The following GALNTL6 variants were observed in gnomAD, a reference collection of about 807,000 sequenced individuals.
The protein encoded by GALNTL6 is polypeptide N-acetylgalactosaminyltransferase-like 6.
GALNTL6 carries 46 observed loss-of-function variants against 73.7 expected under a neutral mutation model. That is an observed-to-expected ratio of 0.62 (90% CI 0.49 to 0.80). The LOEUF (loss-of-function observed/expected upper bound fraction) is 0.80. Among genes scored for constraint, GALNTL6 ranks in the 30% least tolerant of loss-of-function variants. The probability of loss-of-function intolerance (pLI) is 0.00; values close to 1 mark genes in which losing one functional copy is unlikely to be tolerated. For missense variants in GALNTL6, 604 were observed against 755.0 expected (o/e 0.80, Z 2.34); for synonymous variants, 259 against 263.7 (o/e 0.98, Z 0.17).
At chr4:172,983,209 G>A (rs1012028645) in intron 10 of GALNTL6, among the ~76,000 whole-genome samples, 7 of 152,148 alleles carry the variant, frequency 4.6e-5, no homozygotes, top group African/African-American at 1.4e-4. Flanking sequence ...ACAAGCCAAG[G>A]AATGCTGGCA....
chr4:171,831,341 T>G (rs78848612), intron 2 of GALNTL6, among the ~76,000 whole-genome samples: 1 of 152,104 alleles, frequency 6.6e-6, no homozygotes, highest in East Asian at 1.9e-4. Flanking sequence ...GGTAGAGGCA[T>G]ATTAAATGCA....
At chr4:172,662,705 C>T (rs1181970904) in intron 5 of GALNTL6, among the ~76,000 whole-genome samples, 1 of 152,174 alleles carries the variant, frequency 6.6e-6, no homozygotes, top group Non-Finnish European at 1.5e-5. Flanking sequence ...CTAATCCAGG[C>T]TCTGGGGATT....
intron 8 of GALNTL6, among the ~76,000 whole-genome samples, chr4:172,924,729 C>T (rs1561036754): frequency 6.6e-6 from 1 of 152,064 alleles, no homozygotes; most frequent in Non-Finnish European, 1.5e-5. Context: ...AAGGTAGTGA[C>T]TGAGAGACAA....
chr4:172,275,180 G>C lies in GALNTL6; in HGVS notation c.248-36434G>C, dbSNP rs190752794. The stretch of plus-strand genomic sequence containing the variant: ...ATAAGTGCTGACCTATAAACCTAAG[G>C]ACAAAAGAAATGTTGATGTTTTGAC... On this transcript the variant is annotated intron_variant, in intron 3 of 12. Coordinates refer to ENST00000506823, the MANE Select transcript of GALNTL6 (RefSeq NM_001034845.3). Among the ~76,000 whole-genome samples the C allele has an allele frequency of 1.1e-4, 17 of 152,150 alleles. No individual in the cohort carries two copies. In the East Asian group the frequency reaches 2.7e-3, roughly 24 times the overall value.
chr4:172,814,451 A>C (rs6820453), intron 7 of GALNTL6, among the ~76,000 whole-genome samples: 2,668 of 152,308 alleles, frequency 0.018, 69 homozygotes, highest in African/African-American at 0.058. Flanking sequence ...GTGAATGGTA[A>C]ACTTTTTCCA....
chr4:172,976,425 T>C (rs1750813824), intron 10 of GALNTL6, among the ~76,000 whole-genome samples: 1 of 152,212 alleles, frequency 6.6e-6, no homozygotes, highest in South Asian at 2.1e-4. Context: ...AGGCAGGGCT[T>C]CTGAAATTCA....
At chr4:171,992,342 T>G (rs1579041090) in intron 2 of GALNTL6, among the ~76,000 whole-genome samples, 1 of 152,138 alleles carries the variant, frequency 6.6e-6, no homozygotes, top group Non-Finnish European at 1.5e-5. Flanking sequence ...CAGTCCCAAT[T>G]ACAGAGGCCA....
chr4:172,363,697 A>G (rs925849823), intron 5 of GALNTL6, among the ~76,000 whole-genome samples: 3 of 152,192 alleles, frequency 2.0e-5, no homozygotes, highest in Non-Finnish European at 2.9e-5. Flanking sequence ...TAGTCAGAAA[A>G]TTATTATAGG....
At position 172,122,140 on chromosome 4, in the gene GALNTL6, C is replaced by T. The variant is rs141141047; in HGVS notation, c.139-107516C>T. ...TAGTATCCCATGACTAGGCTGAATT[C>T]GAGCAGAGCGTGAGCAATGGCTGTA... On this transcript the variant is annotated intron_variant, in intron 2 of 12. Transcript: ENST00000506823. Among the ~76,000 whole-genome samples the T allele has an allele frequency of 5.1e-3, 777 of 151,062 alleles. 8 individuals are homozygous for T. Among genetic ancestry groups the T allele is most frequent in the African/African-American group, 0.017 (709 of 41,068 alleles).
At chr4:172,608,572 T>C (rs1738398030) in intron 5 of GALNTL6, among the ~76,000 whole-genome samples, 1 of 152,112 alleles carries the variant, frequency 6.6e-6, no homozygotes, top group East Asian at 1.9e-4. Flanking sequence ...GTGATGCCTC[T>C]AGTTTATTTC....
Position 172,798,695 on chromosome 4 carries a change from G to A in GALNTL6, c.554-10666G>A, listed in dbSNP as rs952876020. On this transcript the variant is annotated intron_variant, in intron 5 of 12. Coordinates refer to ENST00000506823, the MANE Select transcript of GALNTL6 (RefSeq NM_001034845.3). ...ACTTATCCAAGCTATGAATGTGCAC[G>A]TACATGTAAAAATAACCAGCGGTTA... is the stretch of plus-strand genomic sequence containing the variant. 3.9e-5 allele frequency among the ~76,000 whole-genome samples: 6 copies of A among 152,120 alleles called. No homozygotes were observed. The East Asian group carries it at 7.7e-4, about 20-fold the overall frequency.
intron 3 of GALNTL6, among the ~76,000 whole-genome samples, chr4:172,271,773 T>C (rs1034972152): frequency 4.6e-5 from 7 of 152,000 alleles, no homozygotes; most frequent in African/African-American, 1.7e-4. Flanking sequence ...CATACACACA[T>C]ACAGAGATAA....
At chr4:172,457,366 TA>T (rs1274820012) in intron 5 of GALNTL6, among the ~76,000 whole-genome samples, 1 of 152,128 alleles carries the variant, frequency 6.6e-6, no homozygotes, top group Non-Finnish European at 1.5e-5. Context: ...ATAACAATAT[TA>T]ACCTTAAATA....
chr4:172,807,750 A>T lies in GALNTL6; in HGVS notation c.554-1611A>T, dbSNP rs370211381. ...CATATCCTTGTTACTTACATGAAGA[A>T]CAAAATAGAGGGGAACATATTTTGA... On this transcript the variant is annotated intron_variant, in intron 5 of 12. Coordinates refer to ENST00000506823, the MANE Select transcript of GALNTL6 (RefSeq NM_001034845.3). 6.6e-5 allele frequency among the ~76,000 whole-genome samples: 10 copies of T among 152,340 alleles called. No homozygotes were observed. The East Asian group carries it at 1.5e-3, about 24-fold the overall frequency.
chr4:172,959,183 G>A (rs2126371049), intron 10 of GALNTL6, among the ~76,000 whole-genome samples: 1 of 152,236 alleles, frequency 6.6e-6, no homozygotes, highest in South Asian at 2.1e-4. Flanking sequence ...CGGTCACTGA[G>A]GAGGGAGTAG....
chr4:172,644,704 C>T (rs1263970095), intron 5 of GALNTL6, among the ~76,000 whole-genome samples: 2 of 151,684 alleles, frequency 1.3e-5, no homozygotes, highest in African/African-American at 4.8e-5. Flanking sequence ...TTATTTCTTC[C>T]AGATATATGT....
chr4:172,388,411 A>C (rs1272191737), intron 5 of GALNTL6, among the ~76,000 whole-genome samples: 4 of 152,262 alleles, frequency 2.6e-5, no homozygotes, highest in Non-Finnish European at 5.9e-5. Context: ...TGGTTCTTTT[A>C]GTGTAAGATA....
At chr4:172,111,812 A>G (rs1042674716) in intron 2 of GALNTL6, among the ~76,000 whole-genome samples, 1 of 152,062 alleles carries the variant, frequency 6.6e-6, no homozygotes, top group African/African-American at 2.4e-5. Flanking sequence ...AGGCACAGAG[A>G]TTGCATACAT....
intron 2 of GALNTL6, among the ~76,000 whole-genome samples, chr4:172,160,376 G>A (rs1364545433): frequency 6.6e-6 from 1 of 152,016 alleles, no homozygotes; most frequent in South Asian, 2.1e-4. Context: ...GAGAGCGATA[G>A]CATAGGGCCC....
Sources: allele counts gnomAD v4.1 joint callset (sites outside exome capture counted in the v4.1 genomes callset), GRCh38; gene constraint gnomAD v4.1.1; transcripts MANE v1.5; gene names NCBI Gene and HGNC (gene_info 2026-07-23, HGNC 2026-07-21).